The following PDE1A variants were observed in gnomAD, a reference collection of about 807,000 sequenced individuals.
The protein encoded by PDE1A is dual specificity calcium/calmodulin-dependent 3',5'-cyclic nucleotide phosphodiesterase 1A.
In PDE1A, 35 loss-of-function variants were observed where a neutral mutation model predicts 61.7. The observed-to-expected ratio is 0.57, with a 90% CI of 0.43 to 0.75. PDE1A has a LOEUF of 0.75. Ranked by LOEUF, PDE1A falls within the 30% of genes least tolerant of loss-of-function variation. The pLI is 0.00. For synonymous variants in PDE1A, 232 were observed against 213.2 expected, an observed-to-expected ratio of 1.09 and a Z score of -0.77; for missense variants, 597 against 630.6, an observed-to-expected ratio of 0.95 and a Z score of 0.57.
At chr2:182,537,414 C>T in the PDE1A span, among the ~76,000 whole-genome samples, 5 of 152,056 alleles carry the variant, frequency 3.3e-5, no homozygotes, top group South Asian at 6.2e-4. Context: ...AACCAAACAC[C>T]GCATGTTCTC....
At chr2:182,577,931 CGGAAGGAAGGAAGGAA>C in the PDE1A span, among the ~76,000 whole-genome samples, 6,350 of 82,204 alleles carry the variant, frequency 0.077, 269 homozygotes, top group Admixed American at 0.12. Flanking sequence ...AGAAAGAAAA[CGGAAGGAAGGAAGGAA>C]GGAAGGAAGG....
chr2:182,432,881 C>T (rs1302669490), intron 2 of PDE1A, among the ~76,000 whole-genome samples: 2 of 152,046 alleles, frequency 1.3e-5, no homozygotes, highest in East Asian at 1.9e-4. Flanking sequence ...TCCCTGCACA[C>T]ATCTACAGCT....
chr2:182,358,747 A>G (rs867354055), intron 1 of PDE1A, among the ~76,000 whole-genome samples: 9 of 152,166 alleles, frequency 5.9e-5, no homozygotes, highest in Admixed American at 1.3e-4. Context: ...TGATTCTCAT[A>G]ACAGTCCTAG....
At chr2:182,365,949 T>C (rs760704196) in intron 1 of PDE1A, among the ~76,000 whole-genome samples, 12 of 151,922 alleles carry the variant, frequency 7.9e-5, no homozygotes, top group Non-Finnish European at 1.3e-4. Context: ...CTCCGAGGTG[T>C]ACTGTCAACT....
chr2:182,352,116 G>A (rs1015683484), intron 1 of PDE1A, among the ~76,000 whole-genome samples: 3 of 152,094 alleles, frequency 2.0e-5, no homozygotes, highest in Non-Finnish European at 2.9e-5. Context: ...TTTTACCCAG[G>A]CTACTTCTCA....
chr2:182,690,649 T>A, the PDE1A span, among the ~76,000 whole-genome samples: 2 of 152,162 alleles, frequency 1.3e-5, no homozygotes, highest in Non-Finnish European at 2.9e-5. Context: ...TCACCACTCC[T>A]ATTCAACATA....
intron 1 of PDE1A, among the ~76,000 whole-genome samples, chr2:182,371,482 C>A (rs1016968874): frequency 1.3e-5 from 2 of 152,208 alleles, no homozygotes; most frequent in Non-Finnish European, 2.9e-5. Flanking sequence ...CAATGAAAAG[C>A]TCCCAATAAA....
the PDE1A span, among the ~76,000 whole-genome samples, chr2:182,540,434 T>C: frequency 6.7e-6 from 1 of 149,616 alleles, no homozygotes; most frequent in Non-Finnish European, 1.5e-5. Context: ...GAAGAGGTCA[T>C]GAGCACTTTA....
the PDE1A span, among the ~76,000 whole-genome samples, chr2:182,557,310 C>G: frequency 6.6e-6 from 1 of 152,116 alleles, no homozygotes; most frequent in East Asian, 1.9e-4. Flanking sequence ...ATTAAAAATT[C>G]TAGTGCTTCC....
rs185714676 is a variant in PDE1A at position 182,326,263 on chromosome 2, G to A, written c.54-61849C>T. Among the ~76,000 whole-genome samples the A allele has an allele frequency of 2.9e-3, 447 of 152,294 alleles. 5 individuals are homozygous for A. In the South Asian group the frequency reaches 0.033, roughly 11 times the overall value. On this transcript the variant is annotated intron_variant, in intron 1 of 13. Coordinates refer to ENST00000351439, the Ensembl canonical transcript of PDE1A. ...GCAGGGACTAAAAGAGATATTTGTA[G>A]ACTAATGTTTATAGTACCATTACTC...
At chr2:182,385,921 A>G (rs930885092) in intron 1 of PDE1A, among the ~76,000 whole-genome samples, 9 of 151,384 alleles carry the variant, frequency 5.9e-5, no homozygotes, top group Non-Finnish European at 1.3e-4. Flanking sequence ...CCGAAGCTGG[A>G]CTGTACTGCT....
chr2:182,515,526 TTAA>T (rs1279426875), intron 2 of PDE1A, among the ~76,000 whole-genome samples: 2 of 152,232 alleles, frequency 1.3e-5, no homozygotes, highest in Non-Finnish European at 2.9e-5. Flanking sequence ...GTATTCCACC[TTAA>T]TAATGTTAGT....
intron 1 of PDE1A, among the ~76,000 whole-genome samples, chr2:182,279,263 T>C (rs191327774): frequency 1.3e-5 from 2 of 151,944 alleles, no homozygotes; most frequent in Non-Finnish European, 2.9e-5. Flanking sequence ...CTGTAATTCT[T>C]AGACGAGCAC....
chr2:182,288,189 A>G (rs1559298472), intron 1 of PDE1A, among the ~76,000 whole-genome samples: 2 of 152,154 alleles, frequency 1.3e-5, no homozygotes, highest in Non-Finnish European at 2.9e-5. Flanking sequence ...AAATCATAGC[A>G]GTTAATAGTT....
chr2:182,413,833 T>A (rs927841382), intron 1 of PDE1A, among the ~76,000 whole-genome samples: 7 of 152,148 alleles, frequency 4.6e-5, no homozygotes, highest in African/African-American at 1.4e-4. Context: ...AGGGTGCACA[T>A]ATGTGTGTGT....
chr2:182,345,946 AAGG>A (rs1329166685), intron 1 of PDE1A, among the ~76,000 whole-genome samples: 1 of 152,214 alleles, frequency 6.6e-6, no homozygotes, highest in Non-Finnish European at 1.5e-5. Flanking sequence ...TTACCTCTGC[AAGG>A]AGAAGGAAAT....
In PDE1A at chr2:182,333,187, C is replaced by A. The variant is rs372437914; in HGVS notation, c.54-68773G>T. On this transcript the variant is annotated intron_variant, in intron 1 of 13. Transcript: ENST00000351439. ...ACAGATCAACGAGACAGAAAATTAACAAGGACATTCGGGACTTGAACTCAG... is the reference window on the plus strand; with the variant it reads ...ACAGATCAACGAGACAGAAAATTAAAAAGGACATTCGGGACTTGAACTCAG... Among the ~76,000 whole-genome samples the A allele has an allele frequency of 2.6e-5, 4 of 152,214 alleles. No individual in the cohort carries two copies. The South Asian group carries it at 8.3e-4, about 32-fold the overall frequency.
chr2:182,164,594 T>C (rs1215143446), downstream of PDE1A, among the ~76,000 whole-genome samples: 1 of 152,080 alleles, frequency 6.6e-6, no homozygotes, highest in Non-Finnish European at 1.5e-5. Flanking sequence ...CATTGCCCAG[T>C]GAACTCATGA....
chr2:182,336,629 G>A (rs1020389794), intron 1 of PDE1A, among the ~76,000 whole-genome samples: 6 of 152,092 alleles, frequency 3.9e-5, no homozygotes, highest in Non-Finnish European at 7.4e-5. Flanking sequence ...CGGGTAGGGG[G>A]CTAGGGGAGG....
Sources: allele counts gnomAD v4.1 joint callset (sites outside exome capture counted in the v4.1 genomes callset), GRCh38; gene constraint gnomAD v4.1.1; transcripts MANE v1.5; gene names NCBI Gene and HGNC (gene_info 2026-07-23, HGNC 2026-07-21).